Variants in DLGAP2 observed in about 807,000 individuals in gnomAD.
The protein encoded by DLGAP2 is DLG associated protein 2, also known as disks large-associated protein 2.
A neutral mutation model predicts 100.3 loss-of-function variants in DLGAP2; 26 were observed. The ratio of observed to expected loss-of-function variants is 0.26; its 90% CI spans 0.19 to 0.36. DLGAP2 has a LOEUF of 0.36. Ranked by LOEUF, DLGAP2 falls within the 10% of genes least tolerant of loss-of-function variation. The pLI is 1.00. For missense variants in DLGAP2, 1,858 were observed against 1,453.2 expected (o/e 1.28, Z -4.53); for synonymous variants, 886 against 630.1 (o/e 1.41, Z -6.08).
intron 1 of DLGAP2, among the ~76,000 whole-genome samples, chr8:822,378 G>A (rs1370668772): frequency 2.0e-5 from 3 of 152,230 alleles, no homozygotes; most frequent in Admixed American, 6.5e-5. Flanking sequence ...CCGGGGGTGA[G>A]TGTTCCTGGG....
intron 1 of DLGAP2, among the ~76,000 whole-genome samples, chr8:850,490 A>G (rs1376941460): frequency 6.6e-6 from 1 of 152,192 alleles, no homozygotes; most frequent in African/African-American, 2.4e-5. Context: ...TTAATTCTTA[A>G]TAAGAATATT....
At chr8:817,835 T>A (rs1265023170) in intron 1 of DLGAP2, among the ~76,000 whole-genome samples, 1 of 152,202 alleles carries the variant, frequency 6.6e-6, no homozygotes, top group Non-Finnish European at 1.5e-5. Flanking sequence ...GTCTTGCAGA[T>A]GTGGATACCA....
intron 6 of DLGAP2, among the ~76,000 whole-genome samples, chr8:1,570,056 G>A (rs1802592797): frequency 6.6e-6 from 1 of 152,244 alleles, no homozygotes; most frequent in South Asian, 2.1e-4. Context: ...TTGTCACTCT[G>A]TAACCCTGTG....
At chr8:1,557,979 G>A (rs1035675802) in intron 5 of DLGAP2, among the ~76,000 whole-genome samples, 5 of 152,216 alleles carry the variant, frequency 3.3e-5, no homozygotes, top group African/African-American at 9.6e-5. Context: ...TTCCCAAGGA[G>A]GGGTGTGGGG....
At chr8:1,032,987 T>C (rs1430108007) in intron 2 of DLGAP2, 1 of 152,392 alleles carries the variant, frequency 6.6e-6, no homozygotes, top group East Asian at 1.9e-4. Context: ...CAAAGGGTGA[T>C]CGTGGGTAAC....
At chr8:1,641,553 C>T (rs931123021) in intron 8 of DLGAP2, among the ~76,000 whole-genome samples, 2 of 152,068 alleles carry the variant, frequency 1.3e-5, no homozygotes, top group Admixed American at 1.3e-4. Flanking sequence ...ACTCATAGTC[C>T]AGGGCTCTTG....
rs75448211 is a variant in DLGAP2, at chr8:1,464,386, C to T, written c.107-36980C>T. ...GACAACGCCCTTCCAGGATGGCACCCTTCCGGAATGGCATCCTTCCAGGAC... is the reference window on the plus strand; with the variant it reads ...GACAACGCCCTTCCAGGATGGCACCTTTCCGGAATGGCATCCTTCCAGGAC... On this transcript the variant is annotated intron_variant, in intron 3 of 14. Coordinates refer to ENST00000637795, the MANE Select transcript of DLGAP2 (RefSeq NM_001346810.2). Among the ~76,000 whole-genome samples the T allele has an allele frequency of 5.2e-3, 185 of 35,400 alleles. 7 individuals are homozygous for T. The highest frequency in any genetic ancestry group is 0.024 in the East Asian group (5 of 208). 23.2% of individuals were successfully genotyped at this position (35,400 alleles called of 152,430 possible).
intron 2 of DLGAP2, among the ~76,000 whole-genome samples, chr8:930,702 C>G (rs902379540): frequency 6.6e-6 from 1 of 152,132 alleles, no homozygotes; most frequent in Non-Finnish European, 1.5e-5. Flanking sequence ...GATTGGGAGC[C>G]TCATGGAGAC....
intron 2 of DLGAP2, among the ~76,000 whole-genome samples, chr8:1,110,908 G>A (rs545939244): frequency 6.0e-4 from 92 of 152,144 alleles, no homozygotes; most frequent in Non-Finnish European, 1.1e-3. Flanking sequence ...CCTGTGGATG[G>A]TGCTTTTGGG....
intron 7 of DLGAP2, among the ~76,000 whole-genome samples, chr8:1,631,469 C>T (rs1340835219): frequency 6.6e-6 from 1 of 152,200 alleles, no homozygotes; most frequent in East Asian, 1.9e-4. Flanking sequence ...ATTTATGGTC[C>T]AGAAAAACAT....
intron 6 of DLGAP2, among the ~76,000 whole-genome samples, chr8:1,581,745 CACAT>C (rs1300515612): frequency 6.6e-6 from 1 of 151,928 alleles, no homozygotes. Flanking sequence ...AAACCCCACA[CACAT>C]ACACACACCA....
At chr8:1,565,545 A>G (rs924915264) in intron 5 of DLGAP2, 138 bp from the exon 6 acceptor site, 2 of 679,342 alleles carry the variant, frequency 2.9e-6, no homozygotes, top group Non-Finnish European at 4.9e-6. Flanking sequence ...GCATTTTTAT[A>G]CATCTGACTT....
chr8:943,510 C>CGTTCT (rs1378618887), intron 2 of DLGAP2, among the ~76,000 whole-genome samples: 1 of 152,236 alleles, frequency 6.6e-6, no homozygotes, highest in Admixed American at 6.5e-5. Flanking sequence ...ACAGCAAGAA[C>CGTTCT]CGCTGTGTAC....
rs368052258 is a variant in DLGAP2, at chr8:944,499, T to C, written c.73+36533T>C. The stretch of plus-strand genomic sequence containing the variant: ...GTAACCAGTCCCTGTGGGTGATCCA[T>C]TGGGTGGTAACCAGTCCATGTGGGT... On this transcript the variant is annotated intron_variant, in intron 2 of 14. Coordinates refer to ENST00000637795, the MANE Select transcript of DLGAP2 (RefSeq NM_001346810.2). Among the ~76,000 whole-genome samples the C allele has an allele frequency of 2.1e-5, 3 of 141,160 alleles. No individual in the cohort carries two copies. In the East Asian group the frequency reaches 6.4e-4, roughly 30 times the overall value. The allele number at this position is 141,160 out of a possible 152,430, so 92.6% of individuals were successfully genotyped here.
chr8:1,640,910 G>A (rs74643942), intron 8 of DLGAP2, among the ~76,000 whole-genome samples: 2,244 of 152,312 alleles, frequency 0.015, 53 homozygotes, highest in African/African-American at 0.051. Context: ...TACTTTATCC[G>A]TTGTGCGCTA....
At position 996,645 on chromosome 8, in the gene DLGAP2, T is replaced by C. The variant is rs553375673; in HGVS notation, c.73+88679T>C. ...AAAAGGATCTTTGCAGAAGGTTTTG[T>C]CTGTTCAGTAGTTTTCAGCCTTTAA... On this transcript the variant is annotated intron_variant, in intron 2 of 14. Coordinates refer to ENST00000637795, the MANE Select transcript of DLGAP2 (RefSeq NM_001346810.2). Among the ~76,000 whole-genome samples the C allele has an allele frequency of 3.3e-5, 5 of 152,350 alleles. No individual in the cohort carries two copies. The East Asian group carries it at 9.6e-4, about 29-fold the overall frequency.
rs60488625 is a variant in DLGAP2, at chr8:1,225,279, C to T, written c.74-33572C>T. On this transcript the variant is annotated intron_variant, in intron 2 of 14. Transcript: ENST00000637795. Reference sequence around the variant, plus strand: ...AGTGAGGGATTGGTAGATGTTACAGCGGAGGAAGGACCTCAGAAACCTTAT... The same window carrying T: ...AGTGAGGGATTGGTAGATGTTACAGTGGAGGAAGGACCTCAGAAACCTTAT... 2.9e-3 allele frequency among the ~76,000 whole-genome samples: 440 copies of T among 152,250 alleles called. 1 individual carries two copies. The highest frequency in any genetic ancestry group is 9.8e-3 in the African/African-American group (408 of 41,544).
chr8:1,605,148 G>A (rs1796754717), intron 6 of DLGAP2, among the ~76,000 whole-genome samples: 1 of 152,124 alleles, frequency 6.6e-6, no homozygotes, highest in South Asian at 2.1e-4. Context: ...GCCGAAAGAG[G>A]AAACAGTGGG....
At chr8:1,149,075 T>C (rs535313447) in intron 2 of DLGAP2, among the ~76,000 whole-genome samples, 70 of 152,352 alleles carry the variant, frequency 4.6e-4, no homozygotes, top group Admixed American at 7.8e-4. Flanking sequence ...TGAAGTCACA[T>C]AGTGGGATGT....
Sources: allele counts gnomAD v4.1 joint callset (sites outside exome capture counted in the v4.1 genomes callset), GRCh38; gene constraint gnomAD v4.1.1; transcripts MANE v1.5; gene names NCBI Gene and HGNC (gene_info 2026-07-23, HGNC 2026-07-21).